PDS5B: variants seen among roughly 807,000 people sequenced by gnomAD.
The protein encoded by PDS5B is PDS5 cohesin associated factor B, also known as sister chromatid cohesion protein PDS5 homolog B.
A neutral mutation model predicts 184.1 loss-of-function variants in PDS5B; 51 were observed. The ratio of observed to expected loss-of-function variants is 0.28; its 90% CI spans 0.22 to 0.35. PDS5B has a LOEUF of 0.35. Ranked by LOEUF, PDS5B falls within the 10% of genes least tolerant of loss-of-function variation. PDS5B has a pLI of 1.00. For missense variants in PDS5B, 1,180 were observed against 1,723.3 expected, an observed-to-expected ratio of 0.68 and a Z score of 5.58; for synonymous variants, 566 against 569.2, an observed-to-expected ratio of 0.99 and a Z score of 0.08.
intron 14 of PDS5B, among the ~76,000 whole-genome samples, chr13:32,696,277 G>C (rs890594962): frequency 2.0e-5 from 3 of 151,940 alleles, no homozygotes; most frequent in Non-Finnish European, 4.4e-5. Context: ...CTGATGCAGT[G>C]AATAATTAGC....
At chr13:32,754,927 T>C (rs1427525521) in intron 25 of PDS5B, among the ~76,000 whole-genome samples, 1 of 152,204 alleles carries the variant, frequency 6.6e-6, no homozygotes, top group Non-Finnish European at 1.5e-5. Flanking sequence ...TAGATTCTAA[T>C]ATAGGCCTGG....
chr13:32,743,952 A>G (rs1408512517), intron 23 of PDS5B, among the ~76,000 whole-genome samples: 2 of 152,072 alleles, frequency 1.3e-5, no homozygotes, highest in South Asian at 2.1e-4. Context: ...CTCAGTGTTA[A>G]TACATTTGGC....
chr13:32,607,873 T>G (rs2058084258), intron 1 of PDS5B, among the ~76,000 whole-genome samples: 1 of 152,202 alleles, frequency 6.6e-6, no homozygotes, highest in African/African-American at 2.4e-5. Flanking sequence ...GTGCGGGATA[T>G]AATCTCCTGG....
At chr13:32,754,544 A>G (rs146795534) in intron 25 of PDS5B, among the ~76,000 whole-genome samples, 1 of 152,016 alleles carries the variant, frequency 6.6e-6, no homozygotes, top group African/African-American at 2.4e-5. Flanking sequence ...ATGCTTTAAA[A>G]TACAGTTTTG....
At chr13:32,635,124 G>C (rs1165114074) in intron 1 of PDS5B, among the ~76,000 whole-genome samples, 1 of 136,464 alleles carries the variant, frequency 7.3e-6, no homozygotes, top group African/African-American at 2.8e-5. Context: ...TCAGCCTCCT[G>C]AGAAGCTAGG....
At chr13:32,617,428 T>G (rs1379368482) in intron 1 of PDS5B, among the ~76,000 whole-genome samples, 5 of 152,148 alleles carry the variant, frequency 3.3e-5, no homozygotes, top group Non-Finnish European at 5.9e-5. Context: ...ACGACATAAA[T>G]AAGATATGTA....
chr13:32,773,270 T>G lies in PDS5B; in HGVS notation c.4254T>G (p.Pro1418=), dbSNP rs1256332559. 5.0e-6 allele frequency: 8 copies of G among 1,613,224 alleles called. No homozygotes were observed. Among genetic ancestry groups the G allele is most frequent in the Non-Finnish European group, 6.8e-6 (8 of 1,179,572 alleles). ...EEVDVFQGSS[P]VDDIPQEETE... ...TAGATGTGTTTCAGGGTAGCTCTCCTGTCGATGATATTCCACAGGAAGAAA... is the reference window on the plus strand; with the variant it reads ...TAGATGTGTTTCAGGGTAGCTCTCCGGTCGATGATATTCCACAGGAAGAAA... Residue 1418 remains proline (P), a synonymous_variant, in exon 34 of 35, where the codon CCT becomes CCG. Coordinates refer to ENST00000315596, the MANE Select transcript of PDS5B (RefSeq NM_015032.4).
intron 1 of PDS5B, among the ~76,000 whole-genome samples, chr13:32,623,258 A>G (rs559192918): frequency 1.3e-5 from 2 of 152,164 alleles, no homozygotes; most frequent in Admixed American, 6.5e-5. Context: ...TATAAGAGCA[A>G]TTGGAGAAGT....
At chr13:32,770,916 A>T in intron 33 of PDS5B, 155 bp downstream of exon 33, 1 of 625,890 alleles carries the variant, frequency 1.6e-6, no homozygotes, top group Non-Finnish European at 2.9e-6. Context: ...TTAGTGATTG[A>T]TATCTCAATA....
intron 1 of PDS5B, among the ~76,000 whole-genome samples, chr13:32,630,405 C>T (rs2058436507): frequency 1.3e-5 from 2 of 152,078 alleles, no homozygotes; most frequent in South Asian, 4.1e-4. Context: ...TGTGCATGCC[C>T]TCCTCATATC....
At chr13:32,713,015 C>T (rs1379197854) in intron 19 of PDS5B, among the ~76,000 whole-genome samples, 1 of 152,162 alleles carries the variant, frequency 6.6e-6, no homozygotes. Flanking sequence ...GAGTCTGACT[C>T]CCCTAAAAGT....
chr13:32,638,154 G>A lies in PDS5B; in HGVS notation c.-19-10600G>A, dbSNP rs182816707. Among the ~76,000 whole-genome samples the A allele has an allele frequency of 5.9e-5, 9 of 152,260 alleles. No homozygotes were observed. In the East Asian group the frequency reaches 1.7e-3, roughly 29 times the overall value. On this transcript the variant is annotated intron_variant, in intron 1 of 34. Coordinates refer to ENST00000315596, the MANE Select transcript of PDS5B (RefSeq NM_015032.4). Reference sequence around the variant, plus strand: ...TCCACTGGGATAGCTTGGACTTGCCGACATCTCCATAGCAGAATTCCAAGA... The same window carrying A: ...TCCACTGGGATAGCTTGGACTTGCCAACATCTCCATAGCAGAATTCCAAGA...
intron 9 of PDS5B, 46 bp from the exon 10 acceptor site, chr13:32,678,789 G>A (rs745401814): frequency 7.6e-6 from 8 of 1,049,910 alleles, no homozygotes; most frequent in African/African-American, 6.3e-5. Context: ...ACACATGTCT[G>A]TTTCTCTTAT....
intron 6 of PDS5B, among the ~76,000 whole-genome samples, chr13:32,660,975 TTC>T (rs1246771821): frequency 6.6e-6 from 1 of 152,090 alleles, no homozygotes; most frequent in African/African-American, 2.4e-5. Flanking sequence ...GAATAAAACA[TTC>T]TGACAAAATT....
rs567734143 is a variant in PDS5B, at chr13:32,689,870, T to C, written c.1469+1301T>C. 6.6e-5 allele frequency: 10 copies of C among 152,280 alleles called. No homozygotes were observed. In the South Asian group the frequency reaches 1.9e-3, roughly 28 times the overall value. The allele number at this position is 152,280 out of a possible 1,614,324, so 9.4% of individuals were successfully genotyped here. ...ATGGCCTCTTAAATTGGATGAAATATGGTATTTATATCATATTTGAAACTA... is the reference window on the plus strand; with the variant it reads ...ATGGCCTCTTAAATTGGATGAAATACGGTATTTATATCATATTTGAAACTA... On this transcript the variant is annotated intron_variant, in intron 13 of 34. Transcript: ENST00000315596.
At chr13:32,692,311 C>G (rs1160952831) in intron 13 of PDS5B, among the ~76,000 whole-genome samples, 1 of 151,348 alleles carries the variant, frequency 6.6e-6, no homozygotes, top group Non-Finnish European at 1.5e-5. Flanking sequence ...ACTTCCACCT[C>G]TCACAAGTTC....
intron 3 of PDS5B, 103 bp downstream of exon 3, chr13:32,652,110 G>A (rs1950379574): frequency 1.3e-6 from 1 of 781,932 alleles, no homozygotes; most frequent in East Asian, 2.6e-5. Flanking sequence ...TGGATTCTTT[G>A]ACATTAGCTA....
chr13:32,600,693 C>T (rs374958246), intron 1 of PDS5B, among the ~76,000 whole-genome samples: 1 of 152,158 alleles, frequency 6.6e-6, no homozygotes, highest in African/African-American at 2.4e-5. Flanking sequence ...GAGCCGAGAT[C>T]GTGCCACTGC....
chr13:32,610,265 G>C, intron 1 of PDS5B, among the ~76,000 whole-genome samples: 1 of 152,198 alleles, frequency 6.6e-6, no homozygotes, highest in East Asian at 1.9e-4. Context: ...AAATGTTGAA[G>C]ACGTATAAAT....
Sources: allele counts gnomAD v4.1 joint callset (sites outside exome capture counted in the v4.1 genomes callset), GRCh38; gene constraint gnomAD v4.1.1; transcripts MANE v1.5; gene names NCBI Gene and HGNC (gene_info 2026-07-23, HGNC 2026-07-21).